Variants in ZNF90 observed in about 807,000 individuals in gnomAD.
ZNF90 encodes the protein zinc finger protein HTF9.
Under a neutral mutation model 12.0 loss-of-function variants are expected in ZNF90, and 11 were observed. The observed-to-expected ratio is 0.92, with a 90% confidence interval of 0.58 to 1.52. The LOEUF is 1.52. Among genes scored for constraint, ZNF90 ranks in the 40% most tolerant of loss-of-function variants. The pLI, the probability that ZNF90 is intolerant of heterozygous loss-of-function variation, is 0.00. For missense variants in ZNF90, 765 were observed against 711.5 expected (o/e 1.08, Z -0.86); for synonymous variants, 232 against 240.1 (o/e 0.97, Z 0.31).
chr19:20,105,796 A>G lies in ZNF90; in HGVS notation c.226+480A>G, dbSNP rs557832732. ...TCTTAAAATATCATTTGAAAGTATAAGTATGATATACTTCTGCTCTGTTCT... is the reference window on the plus strand; with the variant it reads ...TCTTAAAATATCATTTGAAAGTATAGGTATGATATACTTCTGCTCTGTTCT... On this transcript the variant is annotated intron_variant, in intron 3 of 3. Coordinates refer to ENST00000418063, the MANE Select transcript of ZNF90 (RefSeq NM_007138.2). 2.0e-4 allele frequency among the ~76,000 whole-genome samples: 30 copies of G among 152,284 alleles called. No individual in the cohort carries two copies. In the South Asian group the frequency reaches 6.0e-3, roughly 30 times the overall value.
intron 1 of ZNF90, among the ~76,000 whole-genome samples, chr19:20,100,428 A>G (rs2088980344): frequency 6.6e-6 from 1 of 152,170 alleles, no homozygotes; most frequent in East Asian, 1.9e-4. Context: ...CCTCCTTGTT[A>G]AGTTTGTCTC....
chr19:20,082,182 T>C (rs2088825377), intron 1 of ZNF90, among the ~76,000 whole-genome samples: 2 of 152,182 alleles, frequency 1.3e-5, no homozygotes, highest in African/African-American at 4.8e-5. Flanking sequence ...ATACTACGTA[T>C]AGCACCAAAC....
chr19:20,084,776 CAT>C (rs1555701884), intron 1 of ZNF90, among the ~76,000 whole-genome samples: 1 of 152,136 alleles, frequency 6.6e-6, no homozygotes, highest in African/African-American at 2.4e-5. Context: ...TAGTTAGCTT[CAT>C]ATATGTCTTC....
Position 20,119,445 on chromosome 19 carries a change from AC to A in ZNF90, c.*87del. On this transcript the variant is annotated 3_prime_UTR_variant, in exon 4 of 4. Transcript: ENST00000418063. ...TGTGATGACTGTTGGAAAGCCTTTG[AC>A]CACCCCTCTACTCTTACTAAATATG... The A allele has an allele frequency of 8.6e-7, 1 of 1,156,670 alleles. No homozygotes were observed. The highest frequency in any genetic ancestry group is 1.2e-6 in the Non-Finnish European group (1 of 825,204). 71.7% of individuals were successfully genotyped at this position (1,156,670 alleles called of 1,614,324 possible). A position where few individuals can be genotyped will look rare whatever the true frequency, so the allele number is the denominator to read the frequency against.
chr19:20,105,039 C>CCA (rs1162370712), intron 2 of ZNF90, among the ~76,000 whole-genome samples, 182 bp from the exon 3 acceptor site: 1 of 151,856 alleles, frequency 6.6e-6, no homozygotes, highest in African/African-American at 2.4e-5. Flanking sequence ...AAACAAAAAA[C>CCA]CACACACACA....
intron 1 of ZNF90, among the ~76,000 whole-genome samples, chr19:20,103,959 C>G (rs1017858430): frequency 1.3e-5 from 2 of 152,140 alleles, no homozygotes; most frequent in Non-Finnish European, 2.9e-5. Flanking sequence ...ATATAGCACT[C>G]AAAAATGTAC....
At position 20,118,693 on chromosome 19, in the gene ZNF90, C is replaced by A. The variant is rs1242848157; in HGVS notation, c.1139C>A (p.Ser380Ter). Residue 380 changes from serine to a stop codon, truncating the protein, a stop_gained, in exon 4 of 4, where the codon TCA becomes TAA. Transcript: ENST00000418063. LOFTEE classifies it low-confidence loss of function (END_TRUNC). ...KCDKCGKAFISSSLLYKHKIS... is the reference protein window; with the variant it reads ...KCDKCGKAFI ...GATAAATGTGGCAAAGCATTTATTT[C>A]ATCCTCACTCCTTTATAAACATAAG... The A allele has an allele frequency of 2.6e-6, 4 of 1,564,924 alleles. No individual in the cohort carries two copies. The highest frequency in any genetic ancestry group is 3.5e-6 in the Non-Finnish European group (4 of 1,155,970).
chr19:20,083,296 C>T (rs988801465), intron 1 of ZNF90, among the ~76,000 whole-genome samples: 3 of 152,054 alleles, frequency 2.0e-5, no homozygotes, highest in Admixed American at 2.0e-4. Context: ...GGGCAGGCCA[C>T]CCCTTTAGCA....
intron 3 of ZNF90, among the ~76,000 whole-genome samples, chr19:20,107,688 TCTTTC>T (rs1421683118): frequency 1.3e-5 from 2 of 152,214 alleles, no homozygotes; most frequent in African/African-American, 4.8e-5. Flanking sequence ...ACAATTTAAC[TCTTTC>T]CTTCTTACTG....
Position 20,118,020 on chromosome 19 carries a change from A to T in ZNF90, c.466A>T (p.Ile156Leu). 1 of 1,612,144 alleles carries T rather than the reference A, an allele frequency of 6.2e-7. No individual in the cohort carries two copies. The highest frequency in any genetic ancestry group is 1.1e-5 in the South Asian group (1 of 90,848). The change falls in exon 4 of 4, where the codon ATA becomes TTA. Residue 156 changes from isoleucine to leucine, a missense_variant. Coordinates refer to ENST00000418063, the MANE Select transcript of ZNF90 (RefSeq NM_007138.2). ...TGATACATATGTGAAAGTCTCTCAT[A>T]TATTTTCAAATTCAAACAGACATAA... ...QCDTYVKVSH[I>L]FSNSNRHKIR...
chr19:20,090,647 G>T (rs1399668075), intron 1 of ZNF90, among the ~76,000 whole-genome samples: 1 of 152,146 alleles, frequency 6.6e-6, no homozygotes, highest in Non-Finnish European at 1.5e-5. Context: ...ATCTGGAGTA[G>T]GTAAGAGAAG....
At chr19:20,093,795 T>G (rs1357920073) in intron 1 of ZNF90, among the ~76,000 whole-genome samples, 1 of 152,066 alleles carries the variant, frequency 6.6e-6, no homozygotes, top group African/African-American at 2.4e-5. Context: ...AAACAGGGGA[T>G]GGACTTACCC....
At chr19:20,098,045 G>A (rs1555703424) in intron 1 of ZNF90, among the ~76,000 whole-genome samples, 1 of 152,026 alleles carries the variant, frequency 6.6e-6, no homozygotes, top group East Asian at 1.9e-4. Context: ...TTTGCTCCCA[G>A]GTTATAATCC....
At chr19:20,113,181 T>C (rs1269194382) in intron 3 of ZNF90, among the ~76,000 whole-genome samples, 1 of 152,028 alleles carries the variant, frequency 6.6e-6, no homozygotes, top group African/African-American at 2.4e-5. Flanking sequence ...GTTTTTTATT[T>C]TTTTTTCTTT....
In ZNF90 at chr19:20,118,608, C is replaced by T. The variant is rs782010574; in HGVS notation, c.1054C>T (p.Arg352Cys). The change falls in exon 4 of 4, where the codon CGC becomes TGC. Residue 352 changes from arginine (R) to cysteine (C), a missense_variant. Arg to Cys is a radical substitution (Grantham distance 180). Transcript: ENST00000418063. ...TGAAGAATGTGGCAAAGCCTTCAGG[C>T]GCTCCTTAGTCCTTCGTACACATAA... The part of the protein sequence containing the change: ...KCEECGKAFR[R>C]SLVLRTHKRI... 36 of 1,609,096 alleles carry T rather than the reference C, an allele frequency of 2.2e-5. No individual in the cohort carries two copies. The highest frequency in any genetic ancestry group is 1.7e-4 in the Middle Eastern group (1 of 6,046).
rs2089083381 is a variant in ZNF90 at position 20,110,914 on chromosome 19, G to C, written c.226+5598G>C. ...GTTTTAAGGGTTGTTTATATATTTTGAATATTAACTTCTTTCACATGTAAT... is the reference window on the plus strand; with the variant it reads ...GTTTTAAGGGTTGTTTATATATTTTCAATATTAACTTCTTTCACATGTAAT... On this transcript the variant is annotated intron_variant, in intron 3 of 3. Coordinates refer to ENST00000418063, the MANE Select transcript of ZNF90 (RefSeq NM_007138.2). Among the ~76,000 whole-genome samples the C allele has an allele frequency of 2.0e-5, 3 of 151,878 alleles. No individual in the cohort carries two copies. In the South Asian group the frequency reaches 6.2e-4, roughly 32 times the overall value.
chr19:20,105,581 A>C (rs1177473641), intron 3 of ZNF90, among the ~76,000 whole-genome samples: 1 of 152,220 alleles, frequency 6.6e-6, no homozygotes, highest in African/African-American at 2.4e-5. Context: ...TCTTCATGGC[A>C]TATAAGAGAC....
At chr19:20,105,166 G>C (rs2089024082) in intron 2 of ZNF90, 55 bp from the exon 3 acceptor site, 2 of 1,397,312 alleles carry the variant, frequency 1.4e-6, no homozygotes, top group African/African-American at 2.9e-5. Context: ...CACAGTACTA[G>C]CTTGTAATTG....
intron 1 of ZNF90, among the ~76,000 whole-genome samples, chr19:20,091,664 C>G (rs1026768952): frequency 1.3e-5 from 2 of 152,120 alleles, no homozygotes; most frequent in African/African-American, 4.8e-5. Flanking sequence ...GTGAATGACC[C>G]CAGCTTCTTT....
Sources: allele counts gnomAD v4.1 joint callset (sites outside exome capture counted in the v4.1 genomes callset), GRCh38; gene constraint gnomAD v4.1.1; transcripts MANE v1.5; gene names NCBI Gene and HGNC (gene_info 2026-07-23, HGNC 2026-07-21).